ANKRD62: variants seen among roughly 807,000 people sequenced by gnomAD.
ANKRD62 encodes the protein ankyrin repeat domain 62.
Under a neutral mutation model 98.8 loss-of-function variants are expected in ANKRD62, and 61 were observed. That is an observed-to-expected ratio of 0.62 (90% CI 0.50 to 0.76). The LOEUF is 0.76. ANKRD62 is among the 30% of genes least tolerant of loss of function. The pLI, the probability that ANKRD62 is intolerant of heterozygous loss-of-function variation, is 0.00. For synonymous variants in ANKRD62, 341 were observed against 367.9 expected (o/e 0.93, Z 0.84); for missense variants, 933 against 1,082.9 (o/e 0.86, Z 1.94).
intron 11 of ANKRD62, 52 bp from the exon 12 acceptor site, chr18:12,124,085 A>C: frequency 1.1e-6 from 1 of 921,120 alleles, no homozygotes; most frequent in Non-Finnish European, 1.6e-6. Flanking sequence ...ATAAACCAGC[A>C]TATGAGTGTT....
downstream of ANKRD62, among the ~76,000 whole-genome samples, chr18:12,130,626 A>G (rs1272358030): frequency 3.3e-5 from 5 of 152,110 alleles, no homozygotes; most frequent in Non-Finnish European, 5.9e-5. Flanking sequence ...TATGTTTCAT[A>G]TATACCTTAT....
the ANKRD62 span, among the ~76,000 whole-genome samples, chr18:12,171,446 A>C: frequency 6.6e-6 from 1 of 152,138 alleles, no homozygotes; most frequent in Admixed American, 6.6e-5. Flanking sequence ...TCTTTTCTTC[A>C]AGAACGTTGA....
chr18:12,126,117 G>A lies in ANKRD62; in HGVS notation c.2296G>A (p.Val766Met), dbSNP rs906109047. 17 of 1,536,012 alleles carry A rather than the reference G, an allele frequency of 1.1e-5. No homozygotes were observed. The highest frequency in any genetic ancestry group is 1.7e-4 in the Middle Eastern group (1 of 6,012). The change falls in exon 13 of 14, where the codon GTG (valine) becomes ATG (methionine). Residue 766 changes from valine to methionine, a missense_variant. This residue lies in a region of ANKRD62 where 362 missense variants were observed against 434.5 expected (regional missense o/e 0.83). Coordinates refer to ENST00000587848, the MANE Select transcript of ANKRD62 (RefSeq NM_001277333.2). ...QNDQPILEKY[V>M]RKQQSVEDGL... The stretch of plus-strand genomic sequence containing the variant: ...TGACCAACCTATTTTGGAAAAATAC[G>A]TGAGAAAGCAGCAATCTGTAGAGGA...
chr18:12,158,779 C>T, the ANKRD62 span, among the ~76,000 whole-genome samples: 17 of 151,898 alleles, frequency 1.1e-4, no homozygotes, highest in Non-Finnish European at 1.5e-4. Flanking sequence ...CGTGATCCAC[C>T]GGCCTTGGCC....
intron 8 of ANKRD62, among the ~76,000 whole-genome samples, chr18:12,111,542 T>C (rs1254163492): frequency 6.6e-6 from 1 of 152,138 alleles, no homozygotes; most frequent in African/African-American, 2.4e-5. Context: ...AACGTAGTAT[T>C]GTAAGTTCTG....
the ANKRD62 span, among the ~76,000 whole-genome samples, chr18:12,136,529 T>C: frequency 2.6e-5 from 4 of 152,216 alleles, no homozygotes; most frequent in African/African-American, 9.6e-5. Context: ...CGATGCGGGC[T>C]CTTTTTTGGT....
intron 10 of ANKRD62, among the ~76,000 whole-genome samples, chr18:12,117,744 C>T (rs147700928): frequency 3.3e-5 from 5 of 152,232 alleles, no homozygotes; most frequent in African/African-American, 4.8e-5. Flanking sequence ...TACTGTTTTC[C>T]GTTGTTAATC....
At chr18:12,098,000 T>C (rs1909218222) in intron 5 of ANKRD62, among the ~76,000 whole-genome samples, 1 of 152,200 alleles carries the variant, frequency 6.6e-6, no homozygotes, top group South Asian at 2.1e-4. Flanking sequence ...ACTTCTATGC[T>C]TAGTTATTCT....
At chr18:12,109,511 T>A (rs1182432870) in intron 8 of ANKRD62, among the ~76,000 whole-genome samples, 1 of 152,224 alleles carries the variant, frequency 6.6e-6, no homozygotes, top group Non-Finnish European at 1.5e-5. Context: ...TAGTGTTTAC[T>A]GAGTTAGAAA....
intron 8 of ANKRD62, among the ~76,000 whole-genome samples, chr18:12,114,255 A>C (rs770179762): frequency 6.6e-6 from 1 of 152,222 alleles, no homozygotes; most frequent in Non-Finnish European, 1.5e-5. Flanking sequence ...AAGTTTACAT[A>C]TATAACAAAC....
chr18:12,119,114 TA>T (rs1256816390), intron 10 of ANKRD62, among the ~76,000 whole-genome samples: 2 of 152,178 alleles, frequency 1.3e-5, no homozygotes, highest in East Asian at 3.8e-4. Context: ...TAAGATTTAG[TA>T]ATTTTCCCTT....
chr18:12,133,204 C>G (rs1910031647), downstream of ANKRD62, among the ~76,000 whole-genome samples: 1 of 152,106 alleles, frequency 6.6e-6, no homozygotes, highest in South Asian at 2.1e-4. Context: ...TTTCACTTAG[C>G]ATAATGTTTT....
chr18:12,113,896 C>T (rs1266327935), intron 8 of ANKRD62, among the ~76,000 whole-genome samples: 1 of 152,142 alleles, frequency 6.6e-6, no homozygotes, highest in Non-Finnish European at 1.5e-5. Flanking sequence ...AAGTAAATGC[C>T]TATCACTCAT....
chr18:12,178,423 A>G, the ANKRD62 span, among the ~76,000 whole-genome samples: 4 of 142,448 alleles, frequency 2.8e-5, no homozygotes, highest in Non-Finnish European at 6.0e-5. Context: ...AACCATTGCA[A>G]AGTTTCACCC....
the ANKRD62 span, among the ~76,000 whole-genome samples, chr18:12,135,031 C>T: frequency 1.3e-5 from 2 of 151,602 alleles, no homozygotes; most frequent in Non-Finnish European, 2.9e-5. Context: ...CTCTCCAGCA[C>T]CTGTTGTTTC....
chr18:12,136,409 G>A, the ANKRD62 span, among the ~76,000 whole-genome samples: 5 of 152,184 alleles, frequency 3.3e-5, no homozygotes, highest in African/African-American at 1.2e-4. Flanking sequence ...CTATATCTCT[G>A]TTTTGGTACC....
chr18:12,153,607 A>AAAAAG, the ANKRD62 span, among the ~76,000 whole-genome samples: 3,069 of 140,918 alleles, frequency 0.022, 66 homozygotes, highest in Non-Finnish European at 0.027. Context: ...AAAAAAAAAA[A>AAAAAG]AAAGAAAGAA....
chr18:12,099,565 T>C, intron 5 of ANKRD62, 50 bp from the exon 6 acceptor site: 2 of 1,185,380 alleles, frequency 1.7e-6, no homozygotes, highest in Non-Finnish European at 2.3e-6. Context: ...GTAAAGTTTT[T>C]CATATCAGTA....
chr18:12,170,861 A>G, the ANKRD62 span, among the ~76,000 whole-genome samples: 1 of 152,142 alleles, frequency 6.6e-6, no homozygotes, highest in Non-Finnish European at 1.5e-5. Context: ...TTCTTGTTGA[A>G]TTGATCCCTT....
Sources: allele counts gnomAD v4.1 joint callset (sites outside exome capture counted in the v4.1 genomes callset), GRCh38; gene constraint gnomAD v4.1.1; regional missense constraint gnomAD v4.1.1; transcripts MANE v1.5; gene names NCBI Gene and HGNC (gene_info 2026-07-23, HGNC 2026-07-21).